LRFN2: variants seen among roughly 807,000 people sequenced by gnomAD.
LRFN2 encodes the protein leucine rich repeat and fibronectin type III domain containing 2.
A neutral mutation model predicts 37.3 loss-of-function variants in LRFN2; 18 were observed. The observed-to-expected ratio is 0.48, with a 90% CI of 0.33 to 0.72. The LOEUF (loss-of-function observed/expected upper bound fraction) is 0.72, where lower values mean the gene tolerates loss of function less well. LRFN2 is among the 30% of genes least tolerant of loss of function. The pLI, the probability that LRFN2 is intolerant of heterozygous loss-of-function variation, is 0.02. For missense variants in LRFN2, 1,006 were observed against 1,060.7 expected, an observed-to-expected ratio of 0.95 and a Z score of 0.72; for synonymous variants, 556 against 466.6, an observed-to-expected ratio of 1.19 and a Z score of -2.47.
At chr6:40,476,364 T>C (rs1764709596) in intron 1 of LRFN2, among the ~76,000 whole-genome samples, 1 of 152,252 alleles carries the variant, frequency 6.6e-6, no homozygotes, top group Non-Finnish European at 1.5e-5. Flanking sequence ...ATTCTCTTTG[T>C]ATGAAACCGT....
intron 1 of LRFN2, among the ~76,000 whole-genome samples, chr6:40,575,030 A>G (rs1767253506): frequency 6.6e-6 from 1 of 152,152 alleles, no homozygotes; most frequent in East Asian, 1.9e-4. Flanking sequence ...CAGCCATGGC[A>G]ATGGGTCCTT....
intron 1 of LRFN2, among the ~76,000 whole-genome samples, chr6:40,457,299 G>T (rs1318186618): frequency 6.6e-6 from 1 of 152,002 alleles, no homozygotes; most frequent in Admixed American, 6.6e-5. Context: ...ATATAGGTAA[G>T]CTGCTTACTC....
rs1180998289 is a variant in LRFN2 at position 40,432,624 on chromosome 6, G to A, written c.490C>T (p.Leu164=). ...ATGCGTCGCACGGAGTCCCACGGCAGGCCATGGAGGTTGTTGTAGGAGAGG... is the reference window on the plus strand; with the variant it reads ...ATGCGTCGCACGGAGTCCCACGGCAAGCCATGGAGGTTGTTGTAGGAGAGG... The part of the protein sequence containing the change: ...LDLSYNNLHG[L]PWDSVRRMVN... The change falls in exon 2 of 3, where the codon CTG becomes TTG. Residue 164 remains leucine (L), a synonymous_variant. Coordinates refer to ENST00000338305, the MANE Select transcript of LRFN2 (RefSeq NM_020737.3). 1.9e-6 allele frequency: 3 copies of A among 1,614,086 alleles called. No individual in the cohort carries two copies. In the African/African-American group the frequency reaches 4.0e-5, roughly 22 times the overall value.
At chr6:40,552,014 C>A (rs392759) in intron 1 of LRFN2, among the ~76,000 whole-genome samples, 5 of 152,006 alleles carry the variant, frequency 3.3e-5, no homozygotes, top group Non-Finnish European at 7.4e-5. Context: ...ACAAAATCCT[C>A]GTGTGTTATA....
chr6:40,491,023 G>A (rs932008144), intron 1 of LRFN2, among the ~76,000 whole-genome samples: 1 of 152,204 alleles, frequency 6.6e-6, no homozygotes, highest in Non-Finnish European at 1.5e-5. Context: ...GAGGGGTGAG[G>A]GGGAGGAGGA....
At chr6:40,559,298 A>T (rs1766949687) in intron 1 of LRFN2, among the ~76,000 whole-genome samples, 1 of 152,184 alleles carries the variant, frequency 6.6e-6, no homozygotes, top group African/African-American at 2.4e-5. Flanking sequence ...AAGTAAAGCC[A>T]TTACCACACT....
chr6:40,463,178 A>G (rs1024305994), intron 1 of LRFN2, among the ~76,000 whole-genome samples: 3 of 152,216 alleles, frequency 2.0e-5, no homozygotes, highest in Admixed American at 1.3e-4. Context: ...TAGAGTTTAT[A>G]TAAGAGGAAA....
intron 2 of LRFN2, among the ~76,000 whole-genome samples, chr6:40,409,919 C>T (rs912781907): frequency 1.3e-5 from 2 of 152,180 alleles, no homozygotes; most frequent in African/African-American, 4.8e-5. Flanking sequence ...GGAGAGTTGC[C>T]CTTTCCACCC....
intron 2 of LRFN2, among the ~76,000 whole-genome samples, chr6:40,408,865 T>G (rs1162905502): frequency 6.6e-6 from 1 of 152,218 alleles, no homozygotes; most frequent in African/African-American, 2.4e-5. Context: ...ACAGAATAAT[T>G]TATATTTTTA....
intron 2 of LRFN2, 96 bp downstream of exon 2, chr6:40,431,618 G>C: frequency 9.4e-7 from 1 of 1,068,900 alleles, no homozygotes; most frequent in East Asian, 2.5e-5. Flanking sequence ...CTTTGGGGAA[G>C]AGGGGTATAG....
chr6:40,515,437 C>T (rs1309736494), intron 1 of LRFN2, among the ~76,000 whole-genome samples: 1 of 152,158 alleles, frequency 6.6e-6, no homozygotes, highest in Non-Finnish European at 1.5e-5. Context: ...GTTTGAATCC[C>T]AGTGTTGCAG....
chr6:40,520,874 G>A (rs552924502), intron 1 of LRFN2, among the ~76,000 whole-genome samples: 269 of 152,262 alleles, frequency 1.8e-3, no homozygotes, highest in African/African-American at 5.8e-3. Flanking sequence ...CCCTCAGAGG[G>A]GCCGCGCCCA....
chr6:40,475,502 G>A (rs1363889985), intron 1 of LRFN2, among the ~76,000 whole-genome samples: 2 of 152,134 alleles, frequency 1.3e-5, no homozygotes, highest in Non-Finnish European at 1.5e-5. Context: ...TGCTCAAGGG[G>A]TGCACAGACA....
At chr6:40,401,642 A>G (rs764102169) in intron 2 of LRFN2, among the ~76,000 whole-genome samples, 25 of 152,140 alleles carry the variant, frequency 1.6e-4, no homozygotes, top group Non-Finnish European at 3.4e-4. Flanking sequence ...AGTATTTGCT[A>G]TTTAGTAGGT....
intron 1 of LRFN2, among the ~76,000 whole-genome samples, chr6:40,552,290 T>C (rs968155661): frequency 6.6e-6 from 1 of 152,246 alleles, no homozygotes; most frequent in Non-Finnish European, 1.5e-5. Flanking sequence ...CAAATCTTAA[T>C]GTGCATACAA....
chr6:40,424,591 A>G (rs1480141811), intron 2 of LRFN2, among the ~76,000 whole-genome samples: 6 of 151,736 alleles, frequency 4.0e-5, no homozygotes. Flanking sequence ...TGAAAAAAAA[A>G]TTAGAAAATA....
chr6:40,393,201 T>G (rs1167281175), intron 2 of LRFN2, among the ~76,000 whole-genome samples: 2 of 147,398 alleles, frequency 1.4e-5, no homozygotes, highest in Non-Finnish European at 1.5e-5. Flanking sequence ...GAAAGAGATG[T>G]GAGGAGGGAG....
intron 1 of LRFN2, among the ~76,000 whole-genome samples, chr6:40,493,380 G>A (rs1159459604): frequency 6.6e-6 from 1 of 152,150 alleles, no homozygotes; most frequent in Non-Finnish European, 1.5e-5. Context: ...GCTTCCCAAG[G>A]GCAGAGACAC....
intron 2 of LRFN2, among the ~76,000 whole-genome samples, chr6:40,414,070 G>T (rs968725001): frequency 1.9e-4 from 29 of 152,342 alleles, no homozygotes; most frequent in Middle Eastern, 6.8e-3. Context: ...AGAGGAACAG[G>T]CAGGAGCTCT....
Sources: gnomAD v4.1 joint callset for allele counts (sites outside exome capture counted in the v4.1 genomes callset) on GRCh38, gnomAD v4.1.1 for gene constraint, MANE v1.5 for transcripts, NCBI Gene and HGNC (gene_info 2026-07-23, HGNC 2026-07-21) for gene names.